Variants in RCHY1 observed in about 807,000 individuals in gnomAD.
RCHY1 encodes the protein RING finger and CHY zinc finger domain-containing protein 1.
A neutral mutation model predicts 41.6 loss-of-function variants in RCHY1; 21 were observed. That is an observed-to-expected ratio of 0.51 (90% confidence interval 0.36 to 0.73). RCHY1 has a LOEUF of 0.73. RCHY1 is among the 30% of genes least tolerant of loss of function. The probability of loss-of-function intolerance (pLI) is 0.00; values close to 1 mark genes in which losing one functional copy is unlikely to be tolerated. For synonymous variants in RCHY1, 79 were observed against 102.9 expected (o/e 0.77, Z 1.41); for missense variants, 265 against 325.3 (o/e 0.81, Z 1.43).
At chr4:75,503,649 G>A (rs886305138) in intron 3 of RCHY1, among the ~76,000 whole-genome samples, 6 of 151,654 alleles carry the variant, frequency 4.0e-5, no homozygotes, top group East Asian at 3.9e-4. Flanking sequence ...CCGAGATCAC[G>A]CCACTGCACT....
At chr4:75,489,560 T>C (rs538145905) in intron 8 of RCHY1, among the ~76,000 whole-genome samples, 7 of 152,086 alleles carry the variant, frequency 4.6e-5, no homozygotes, top group Non-Finnish European at 1.0e-4. Flanking sequence ...ATATTGCAGA[T>C]TGATGGTAAT....
In RCHY1 at chr4:75,503,708, A is replaced by T. The variant is rs567403013; in HGVS notation, c.326+5112T>A. 7.6e-4 allele frequency among the ~76,000 whole-genome samples: 115 copies of T among 150,718 alleles called. 1 individual carries two copies. Among genetic ancestry groups the T allele is most frequent in the Admixed American group, 1.1e-3 (17 of 15,146 alleles). On this transcript the variant is annotated intron_variant, in intron 3 of 8. Transcript: ENST00000324439. ...CTCCATCTCAAAAAAAAATTAATTA[A>T]AAAAAAAAAGAAAATATGGTATCCT... is the stretch of plus-strand genomic sequence containing the variant.
At chr4:75,487,107 G>A (rs897522572) in intron 8 of RCHY1, among the ~76,000 whole-genome samples, 2 of 152,052 alleles carry the variant, frequency 1.3e-5, no homozygotes, top group Non-Finnish European at 2.9e-5. Context: ...GAATATAAAA[G>A]ATTTATGGAA....
At chr4:75,499,356 A>T (rs1723520514) in intron 3 of RCHY1, among the ~76,000 whole-genome samples, 1 of 152,194 alleles carries the variant, frequency 6.6e-6, no homozygotes, top group Non-Finnish European at 1.5e-5. Context: ...CACTGTGGCA[A>T]TCTGAATGGA....
rs760331669 is a variant in RCHY1 at position 75,482,630 on chromosome 4, G to T, written c.694C>A (p.Gln232Lys). The T allele has an allele frequency of 5.6e-6, 9 of 1,610,414 alleles. No individual in the cohort carries two copies. In the East Asian group the frequency reaches 1.6e-4, roughly 28 times the overall value. The part of the protein sequence containing the change: ...CNDCNGRSTV[Q>K]FHILGMKCKI... ...CATTTCATGCCTAATATATGAAACT[G>T]AACAGTGGATCGTCCATTACAGTCA... The change falls in exon 9 of 9, where the codon CAG becomes AAG. Residue 232 changes from glutamine to lysine, a missense_variant. Transcript: ENST00000324439.
intron 3 of RCHY1, among the ~76,000 whole-genome samples, chr4:75,496,678 T>A (rs1723239924): frequency 6.6e-6 from 1 of 152,108 alleles, no homozygotes; most frequent in South Asian, 2.1e-4. Flanking sequence ...CTTCTGTAGA[T>A]CTACCTAACA....
intron 8 of RCHY1, among the ~76,000 whole-genome samples, chr4:75,489,013 T>G (rs1271604566): frequency 6.6e-6 from 1 of 151,842 alleles, no homozygotes; most frequent in Non-Finnish European, 1.5e-5. Context: ...AGGCAGAGGT[T>G]GCAGTGAGCC....
At chr4:75,504,904 G>A (rs1724146779) in intron 3 of RCHY1, among the ~76,000 whole-genome samples, 1 of 152,068 alleles carries the variant, frequency 6.6e-6, no homozygotes. Flanking sequence ...ATGGTAAATG[G>A]CGATGACTAA....
chr4:75,498,157 G>C (rs1380002885), intron 3 of RCHY1, among the ~76,000 whole-genome samples: 1 of 146,954 alleles, frequency 6.8e-6, no homozygotes, highest in Non-Finnish European at 1.5e-5. Flanking sequence ...GAAGACGTAA[G>C]AACTCAGACC....
intron 8 of RCHY1, among the ~76,000 whole-genome samples, chr4:75,488,170 G>C (rs915995897): frequency 6.6e-6 from 1 of 151,722 alleles, no homozygotes; most frequent in Admixed American, 6.6e-5. Flanking sequence ...AAAATTATAT[G>C]AGATTCTAAA....
chr4:75,497,389 G>A (rs980751470), intron 3 of RCHY1, among the ~76,000 whole-genome samples: 1 of 152,060 alleles, frequency 6.6e-6, no homozygotes, highest in African/African-American at 2.4e-5. Flanking sequence ...GGCAGTCCTC[G>A]GTTCAAACTG....
intron 1 of RCHY1, among the ~76,000 whole-genome samples, chr4:75,510,616 C>T (rs115163427): frequency 8.9e-4 from 136 of 152,270 alleles, no homozygotes; most frequent in Non-Finnish European, 1.4e-3. Context: ...CATAGTTATA[C>T]CGCAGAACAG....
At chr4:75,485,806 TTCTG>T (rs1459554132) in intron 8 of RCHY1, among the ~76,000 whole-genome samples, 1 of 152,204 alleles carries the variant, frequency 6.6e-6, no homozygotes, top group East Asian at 1.9e-4. Flanking sequence ...TAAGATCTGC[TTCTG>T]TCTGTGTCTG....
intron 3 of RCHY1, among the ~76,000 whole-genome samples, chr4:75,507,996 T>C (rs942450842): frequency 1.3e-5 from 2 of 152,116 alleles, no homozygotes; most frequent in Non-Finnish European, 2.9e-5. Context: ...TACAAAGGCA[T>C]GTTCATTTGT....
At chr4:75,498,794 T>A (rs547932486) in intron 3 of RCHY1, among the ~76,000 whole-genome samples, 1 of 152,240 alleles carries the variant, frequency 6.6e-6, no homozygotes, top group South Asian at 2.1e-4. Context: ...CAAATCAAAA[T>A]GGATTAAAGA....
At chr4:75,486,889 G>T (rs961714917) in intron 8 of RCHY1, among the ~76,000 whole-genome samples, 2 of 152,098 alleles carry the variant, frequency 1.3e-5, no homozygotes, top group Non-Finnish European at 2.9e-5. Context: ...TGAGGCAGAA[G>T]AATTGCTTAA....
chr4:75,514,479 A>C, upstream of RCHY1: 4 of 562,042 alleles, frequency 7.1e-6, no homozygotes, highest in South Asian at 1.1e-4. Flanking sequence ...AGGCAGACGC[A>C]GTCTCCGTCG....
In RCHY1 at chr4:75,514,251, A is replaced by G. The variant is rs750551513; in HGVS notation, c.36T>C (p.Gly12=). The change falls in exon 1 of 9, where the codon GGT becomes GGC. Residue 12 remains glycine, a synonymous_variant. Transcript: ENST00000324439. Reference sequence around the variant, plus strand: ...CGCAGCCCCGCTGACCTCGCTCTTGACCGCTGGCGCCATCTTCCCGGGCCG... The same window carrying G: ...CGCAGCCCCGCTGACCTCGCTCTTGGCCGCTGGCGCCATCTTCCCGGGCCG... ...AATAREDGAS[G]QERGQRGCEH... is the part of the protein sequence containing the mutation. The G allele has an allele frequency of 1.9e-6, 3 of 1,612,516 alleles. No homozygotes were observed. Among genetic ancestry groups the G allele is most frequent in the Non-Finnish European group, 2.5e-6 (3 of 1,178,820 alleles).
chr4:75,490,948 C>A (rs1460617451), intron 7 of RCHY1: 2 of 315,942 alleles, frequency 6.3e-6, no homozygotes, highest in East Asian at 5.6e-5. Context: ...AGTCCATATT[C>A]TTTGTAGAAT....
Sources: gnomAD v4.1 joint callset for allele counts (sites outside exome capture counted in the v4.1 genomes callset) on GRCh38, gnomAD v4.1.1 for gene constraint, MANE v1.5 for transcripts, NCBI Gene and HGNC (gene_info 2026-07-23, HGNC 2026-07-21) for gene names.